NAV2: variants seen among roughly 807,000 people sequenced by gnomAD.
NAV2 encodes neuron navigator 2.
In NAV2, 54 loss-of-function variants were observed where a neutral mutation model predicts 223.2. The observed-to-expected ratio is 0.24, with a 90% CI of 0.19 to 0.30. The LOEUF is 0.30. Among genes scored for constraint, NAV2 ranks in the 10% least tolerant of loss-of-function variants. The pLI is 1.00. For missense variants in NAV2, 2,806 were observed against 3,147.5 expected (o/e 0.89, Z 2.60); for synonymous variants, 1,279 against 1,239.3 (o/e 1.03, Z -0.67).
intron 8 of NAV2, among the ~76,000 whole-genome samples, chr11:19,940,269 A>T (rs1036632601): frequency 2.0e-5 from 3 of 152,172 alleles, no homozygotes; most frequent in African/African-American, 7.2e-5. Flanking sequence ...AAAAATATAA[A>T]TTTTATTTAA....
intron 1 of NAV2, among the ~76,000 whole-genome samples, chr11:19,750,834 C>A (rs996458477): frequency 6.6e-6 from 1 of 152,158 alleles, no homozygotes; most frequent in African/African-American, 2.4e-5. Context: ...CTTATTGAGT[C>A]GGCATTGCTG....
At chr11:19,427,196 C>T (rs1850865199) in intron 1 of NAV2, among the ~76,000 whole-genome samples, 1 of 152,202 alleles carries the variant, frequency 6.6e-6, no homozygotes, top group Non-Finnish European at 1.5e-5. Context: ...GAAATCAAGT[C>T]ATGTGGCTAC....
rs530782687 is a variant in NAV2 at position 19,389,262 on chromosome 11, A to C, written c.75+38235A>C. 3.9e-5 allele frequency among the ~76,000 whole-genome samples: 6 copies of C among 152,364 alleles called. No homozygotes were observed. The East Asian group carries it at 1.2e-3, about 29-fold the overall frequency. ...CACCAACATTGGATAAATAGCTACTATGCACAAGACAGGGCTCTAGGCCAC... is the reference window on the plus strand; with the variant it reads ...CACCAACATTGGATAAATAGCTACTCTGCACAAGACAGGGCTCTAGGCCAC... On this transcript the variant is annotated intron_variant, in intron 1 of 37. Coordinates refer to the NAV2 transcript ENST00000360655.
chr11:19,767,084 G>C (rs2152564817), intron 1 of NAV2, among the ~76,000 whole-genome samples: 1 of 152,268 alleles, frequency 6.6e-6, no homozygotes, highest in South Asian at 2.1e-4. Flanking sequence ...ACCAGGCAGG[G>C]ACTGGACCAT....
intron 1 of NAV2, among the ~76,000 whole-genome samples, chr11:19,441,490 A>G (rs549709190): frequency 4.6e-5 from 7 of 152,170 alleles, no homozygotes; most frequent in Non-Finnish European, 8.8e-5. Flanking sequence ...ACAGGCTGAC[A>G]ATGCCCTGTG....
intron 1 of NAV2, among the ~76,000 whole-genome samples, chr11:19,724,164 G>A (rs2152382744): frequency 6.6e-6 from 1 of 152,154 alleles, no homozygotes; most frequent in East Asian, 1.9e-4. Flanking sequence ...AGAGAGGAGT[G>A]TGACTTGCCT....
At chr11:19,999,265 A>T (rs1048857215) in intron 11 of NAV2, among the ~76,000 whole-genome samples, 2 of 152,260 alleles carry the variant, frequency 1.3e-5, no homozygotes, top group African/African-American at 4.8e-5. Flanking sequence ...TCAAAGAGAG[A>T]TAACCATGGC....
chr11:19,947,686 G>A (rs184609303), intron 9 of NAV2, among the ~76,000 whole-genome samples: 4 of 152,316 alleles, frequency 2.6e-5, no homozygotes, highest in East Asian at 1.9e-4. Context: ...AAACTGCAGC[G>A]CTGTGAAAAC....
chr11:19,356,991 T>A (rs1853658430), intron 1 of NAV2, among the ~76,000 whole-genome samples: 1 of 152,218 alleles, frequency 6.6e-6, no homozygotes, highest in Non-Finnish European at 1.5e-5. Flanking sequence ...ATTTGACAGA[T>A]TCATGTAAAT....
intron 10 of NAV2, among the ~76,000 whole-genome samples, chr11:19,963,260 G>A (rs539144532): frequency 5.3e-5 from 8 of 152,128 alleles, no homozygotes; most frequent in South Asian, 2.1e-4. Flanking sequence ...ACTGTTTCTC[G>A]TCCCAGTTTT....
At chr11:19,401,443 AT>A (rs1849681992) in intron 1 of NAV2, among the ~76,000 whole-genome samples, 1 of 152,230 alleles carries the variant, frequency 6.6e-6, no homozygotes, top group Non-Finnish European at 1.5e-5. Context: ...TTCCCACCTA[AT>A]AAAATGTTTC....
At chr11:20,094,965 G>A (rs377651242) in intron 29 of NAV2, among the ~76,000 whole-genome samples, 3 of 152,140 alleles carry the variant, frequency 2.0e-5, no homozygotes, top group African/African-American at 4.8e-5. Flanking sequence ...CTGCCACTAC[G>A]CAAAGCCCTG....
intron 1 of NAV2, among the ~76,000 whole-genome samples, chr11:19,820,410 T>C (rs1459570795): frequency 2.0e-5 from 3 of 152,192 alleles, no homozygotes; most frequent in African/African-American, 7.2e-5. Context: ...TGGCAGCTAG[T>C]AGAGATTGTG....
At chr11:19,455,169 G>A (rs887183947) in intron 1 of NAV2, among the ~76,000 whole-genome samples, 4 of 152,188 alleles carry the variant, frequency 2.6e-5, no homozygotes, top group Admixed American at 6.5e-5. Context: ...GTTGGGTCAG[G>A]TAACTGCCAT....
At chr11:19,510,755 CACTGG>C (rs57233918) in intron 1 of NAV2, 120,852 of 151,314 alleles carry the variant, frequency 0.8, 48,995 homozygotes, top group Non-Finnish European at 0.88. Context: ...CATCTAGGGA[CACTGG>C]ACTGGAAAGT....
At chr11:20,078,528 G>A (rs1485136191) in intron 24 of NAV2, among the ~76,000 whole-genome samples, 1 of 152,060 alleles carries the variant, frequency 6.6e-6, no homozygotes, top group Non-Finnish European at 1.5e-5. Flanking sequence ...GTGCAATCTT[G>A]GCTCACTGCA....
chr11:19,584,827 A>G (rs962951402), intron 1 of NAV2, among the ~76,000 whole-genome samples: 1 of 152,112 alleles, frequency 6.6e-6, no homozygotes, highest in African/African-American at 2.4e-5. Flanking sequence ...AATAGGTGTG[A>G]TGTGGTGCTG....
chr11:19,412,252 C>A (rs1168005577), intron 1 of NAV2, among the ~76,000 whole-genome samples: 1 of 152,134 alleles, frequency 6.6e-6, no homozygotes, highest in Non-Finnish European at 1.5e-5. Context: ...GGGCATCTGC[C>A]ATTACTGAGG....
At chr11:19,564,612 G>T (rs1044158570) in intron 1 of NAV2, among the ~76,000 whole-genome samples, 3 of 152,088 alleles carry the variant, frequency 2.0e-5, no homozygotes, top group Non-Finnish European at 2.9e-5. Context: ...AGCGAGAGGG[G>T]CTGAGGGGCG....
Sources: allele counts gnomAD v4.1 joint callset (sites outside exome capture counted in the v4.1 genomes callset), GRCh38; gene constraint gnomAD v4.1.1; transcripts MANE v1.5; gene names NCBI Gene and HGNC (gene_info 2026-07-23, HGNC 2026-07-21).